The following ROBO2 variants were observed in gnomAD, a reference collection of about 807,000 sequenced individuals.
The protein encoded by ROBO2 is roundabout guidance receptor 2.
In ROBO2, 53 loss-of-function variants were observed where a neutral mutation model predicts 160.8. The ratio of observed to expected loss-of-function variants is 0.33; its 90% CI spans 0.26 to 0.41. The LOEUF is 0.41. Among genes scored for constraint, ROBO2 ranks in the 10% least tolerant of loss-of-function variants. ROBO2 has a pLI of 1.00. For missense variants in ROBO2, 1,577 were observed against 1,722.4 expected (o/e 0.92, Z 1.49); for synonymous variants, 664 against 611.7 (o/e 1.09, Z -1.26).
At chr3:76,229,400 A>G (rs892853737) in intron 2 of ROBO2, among the ~76,000 whole-genome samples, 70 of 130,486 alleles carry the variant, frequency 5.4e-4, no homozygotes, top group African/African-American at 1.6e-3. Flanking sequence ...CTGATTTTCT[A>G]TTAGTTGTAT....
At chr3:77,362,980 T>C (rs1192257822) in intron 2 of ROBO2, among the ~76,000 whole-genome samples, 1 of 152,152 alleles carries the variant, frequency 6.6e-6, no homozygotes, top group East Asian at 1.9e-4. Flanking sequence ...ATGTGGGAAT[T>C]GCAGGAGCTA....
chr3:76,154,685 A>G (rs927756511), intron 2 of ROBO2, among the ~76,000 whole-genome samples: 1 of 152,158 alleles, frequency 6.6e-6, no homozygotes, highest in African/African-American at 2.4e-5. Context: ...AGAATCAGCA[A>G]TTATGACCAC....
intron 2 of ROBO2, among the ~76,000 whole-genome samples, chr3:76,860,407 CAG>C (rs1360547004): frequency 6.6e-6 from 1 of 152,196 alleles, no homozygotes; most frequent in Admixed American, 6.5e-5. Context: ...TGATTTGTAA[CAG>C]AGCTAGAAGC....
chr3:76,232,929 A>G (rs566115946), intron 2 of ROBO2, among the ~76,000 whole-genome samples: 1 of 152,190 alleles, frequency 6.6e-6, no homozygotes. Context: ...CAAATTGGCT[A>G]ACCTACTTGT....
At position 76,272,832 on chromosome 3, in the gene ROBO2, T is replaced by TATATATATTATATATAAAATATATAAA. The variant is rs1707575700; in HGVS notation, c.109+335245_109+335246insAAAATATATAAAATATATATTATATAT. Among the ~76,000 whole-genome samples, 10 of 38,302 alleles carry TATATATATTATATATAAAATATATAAA rather than the reference T, an allele frequency of 2.6e-4. 2 individuals carry two copies. The highest frequency in any genetic ancestry group is 6.9e-4 in the African/African-American group (8 of 11,644). 25.1% of individuals were successfully genotyped at this position (38,302 alleles called of 152,430 possible). A position where few individuals can be genotyped will look rare whatever the true frequency, so the allele number is the denominator to read the frequency against. ...ATATAATATGTATTTATATATAAAA[T>TATATATATTATATATAAAATATATAAA]ATATATATTATATATTATATATAAA... is the stretch of plus-strand genomic sequence containing the variant. On this transcript the variant is annotated intron_variant, in intron 2 of 26. Transcript: ENST00000487694.
chr3:77,257,519 C>A (rs1007302701), intron 2 of ROBO2, among the ~76,000 whole-genome samples: 1 of 152,050 alleles, frequency 6.6e-6, no homozygotes, highest in African/African-American at 2.4e-5. Flanking sequence ...AGAGTGATTG[C>A]TAGAAATAAT....
chr3:76,255,759 C>T (rs1050863378), intron 2 of ROBO2, among the ~76,000 whole-genome samples: 1 of 151,818 alleles, frequency 6.6e-6, no homozygotes, highest in Non-Finnish European at 1.5e-5. Flanking sequence ...TTAAAGATGC[C>T]TGTTGTATAG....
chr3:77,401,356 G>A (rs764422299), intron 2 of ROBO2, among the ~76,000 whole-genome samples: 6 of 151,784 alleles, frequency 4.0e-5, no homozygotes, highest in African/African-American at 1.2e-4. Context: ...TTGAATCCAA[G>A]TCTCTTCTTT....
chr3:76,888,716 G>A (rs975941425), intron 2 of ROBO2, among the ~76,000 whole-genome samples: 2 of 151,956 alleles, frequency 1.3e-5, no homozygotes, highest in Admixed American at 6.6e-5. Context: ...AAAATGCCTC[G>A]GATTATCTCA....
chr3:76,739,521 C>T lies in ROBO2; in HGVS notation c.110-358493C>T, dbSNP rs541697084. Among the ~76,000 whole-genome samples the T allele has an allele frequency of 2.9e-3, 440 of 151,446 alleles. 2 individuals are homozygous for T. The highest frequency in any genetic ancestry group is 9.9e-3 in the African/African-American group (407 of 41,052). On this transcript the variant is annotated intron_variant, in intron 2 of 26. Transcript: ENST00000487694. ...GGGAGGGATAGCATTAGGAGATATACCTAATGCTAGATGACGAGTTGGTGC... is the reference window on the plus strand; with the variant it reads ...GGGAGGGATAGCATTAGGAGATATATCTAATGCTAGATGACGAGTTGGTGC...
chr3:77,247,227 G>T (rs2089829808), intron 2 of ROBO2, among the ~76,000 whole-genome samples: 1 of 152,170 alleles, frequency 6.6e-6, no homozygotes, highest in Non-Finnish European at 1.5e-5. Flanking sequence ...CTGTGGAATT[G>T]TGTCATACTA....
At chr3:77,360,601 A>G (rs1471335979) in intron 2 of ROBO2, among the ~76,000 whole-genome samples, 2 of 150,798 alleles carry the variant, frequency 1.3e-5, no homozygotes, top group Non-Finnish European at 3.0e-5. Flanking sequence ...GCTAGGAGTA[A>G]TTTTTTTTCT....
chr3:76,464,094 A>G (rs1433351278), intron 2 of ROBO2, among the ~76,000 whole-genome samples: 2 of 152,156 alleles, frequency 1.3e-5, no homozygotes, highest in African/African-American at 4.8e-5. Context: ...CGCATTTCAC[A>G]GTCTGGTGCC....
At chr3:76,399,076 A>T (rs901095085) in intron 2 of ROBO2, among the ~76,000 whole-genome samples, 8 of 151,882 alleles carry the variant, frequency 5.3e-5, no homozygotes, top group African/African-American at 1.7e-4. Context: ...TATTCAGTCC[A>T]TATTAGGCAC....
At chr3:76,491,857 G>A (rs1001562196) in intron 2 of ROBO2, among the ~76,000 whole-genome samples, 13 of 152,178 alleles carry the variant, frequency 8.5e-5, no homozygotes, top group Non-Finnish European at 1.6e-4. Context: ...CACTTTGGGA[G>A]GCCAAGGCAG....
chr3:77,494,192 A>G (rs191458759), intron 5 of ROBO2, among the ~76,000 whole-genome samples: 27 of 152,244 alleles, frequency 1.8e-4, no homozygotes, highest in Admixed American at 7.2e-4. Flanking sequence ...TGCTAGTTCT[A>G]CCTGCTGATA....
At chr3:77,179,066 C>T (rs1172843916) in intron 2 of ROBO2, among the ~76,000 whole-genome samples, 3 of 151,872 alleles carry the variant, frequency 2.0e-5, no homozygotes, top group Non-Finnish European at 4.4e-5. Flanking sequence ...ATATATTCCT[C>T]TTATTTACAG....
intron 2 of ROBO2, among the ~76,000 whole-genome samples, chr3:76,444,034 T>C (rs971691656): frequency 6.6e-6 from 1 of 152,102 alleles, no homozygotes; most frequent in Non-Finnish European, 1.5e-5. Context: ...GGCACAATCT[T>C]GGCTCACTGC....
intron 2 of ROBO2, among the ~76,000 whole-genome samples, chr3:77,329,475 T>G (rs1206593004): frequency 6.6e-6 from 1 of 152,174 alleles, no homozygotes; most frequent in Non-Finnish European, 1.5e-5. Context: ...AGAATAACCT[T>G]CACATTAAGA....
Sources: allele counts gnomAD v4.1 joint callset (sites outside exome capture counted in the v4.1 genomes callset), GRCh38; gene constraint gnomAD v4.1.1; transcripts MANE v1.5; gene names NCBI Gene and HGNC (gene_info 2026-07-23, HGNC 2026-07-21).